Variants in CSMD3 observed in about 807,000 individuals in gnomAD.
The protein encoded by CSMD3 is CUB and sushi domain-containing protein 3.
CSMD3 carries 177 observed loss-of-function variants against 435.2 expected under a neutral mutation model. That is an observed-to-expected ratio of 0.41 (90% CI 0.36 to 0.46). The LOEUF (loss-of-function observed/expected upper bound fraction) is 0.46, where lower values mean the gene tolerates loss of function less well. Ranked by LOEUF, CSMD3 falls within the 20% of genes least tolerant of loss-of-function variation. CSMD3 has a pLI of 0.34. For missense variants in CSMD3, 4,265 were observed against 4,504.6 expected (o/e 0.95, Z 1.52); for synonymous variants, 1,656 against 1,520.5 (o/e 1.09, Z -2.07).
At chr8:112,396,325 T>C (rs1830859267) in intron 35 of CSMD3, among the ~76,000 whole-genome samples, 1 of 152,168 alleles carries the variant, frequency 6.6e-6, no homozygotes, top group African/African-American at 2.4e-5. Context: ...AATCATCATG[T>C]ATAAAACCCT....
At chr8:112,544,654 A>G (rs1826991159) in intron 27 of CSMD3, among the ~76,000 whole-genome samples, 1 of 152,178 alleles carries the variant, frequency 6.6e-6, no homozygotes, top group Non-Finnish European at 1.5e-5. Context: ...ACAAATAGTG[A>G]TTAAAAAACT....
At chr8:112,876,581 C>G (rs889244439) in intron 10 of CSMD3, among the ~76,000 whole-genome samples, 1 of 152,094 alleles carries the variant, frequency 6.6e-6, no homozygotes, top group African/African-American at 2.4e-5. Context: ...ATGACAAAAA[C>G]CACATGATTA....
intron 3 of CSMD3, among the ~76,000 whole-genome samples, chr8:113,269,504 C>T (rs940843128): frequency 1.3e-5 from 2 of 152,100 alleles, no homozygotes; most frequent in Admixed American, 6.5e-5. Context: ...ATCACCAAGT[C>T]GATCCTAAGC....
intron 26 of CSMD3, 151 bp from the exon 27 acceptor site, chr8:112,551,024 T>C (rs1310197605): frequency 1.1e-5 from 7 of 632,878 alleles, no homozygotes; most frequent in Non-Finnish European, 1.9e-5. Flanking sequence ...ATTCTTAATA[T>C]ATTTTTCTTG....
At chr8:112,606,212 T>C (rs138870433) in intron 22 of CSMD3, among the ~76,000 whole-genome samples, 1 of 152,284 alleles carries the variant, frequency 6.6e-6, no homozygotes, top group Non-Finnish European at 1.5e-5. Context: ...CACAGGTTGA[T>C]GCCAAGAGAA....
intron 5 of CSMD3, among the ~76,000 whole-genome samples, chr8:113,093,283 A>T (rs1216826282): frequency 6.6e-6 from 1 of 152,102 alleles, no homozygotes; most frequent in African/African-American, 2.4e-5. Flanking sequence ...GAAACAAAAG[A>T]TGAGAAAAAA....
At chr8:112,964,665 T>A (rs944741016) in intron 7 of CSMD3, among the ~76,000 whole-genome samples, 1 of 151,912 alleles carries the variant, frequency 6.6e-6, no homozygotes. Context: ...TTTTTCCCCC[T>A]TAATATAAGC....
chr8:112,754,927 T>A (rs1458960801), intron 13 of CSMD3, among the ~76,000 whole-genome samples: 1 of 152,176 alleles, frequency 6.6e-6, no homozygotes, highest in African/African-American at 2.4e-5. Flanking sequence ...TTCTTAGCAA[T>A]TACTGTTAGT....
intron 3 of CSMD3, among the ~76,000 whole-genome samples, chr8:113,252,492 T>C (rs2093343542): frequency 6.6e-6 from 1 of 152,122 alleles, no homozygotes; most frequent in Admixed American, 6.6e-5. Context: ...TCTTCTCCTT[T>C]AGAAAACTTT....
chr8:112,870,361 C>T lies in CSMD3; in HGVS notation c.1634-11095G>A, dbSNP rs372151492. On this transcript the variant is annotated intron_variant, in intron 10 of 70. Transcript: ENST00000297405. Reference sequence around the variant, plus strand: ...TCGGCTCACTGCAAGCTCCACCTCCCGGGTTCACGCCATTTTCCTGCCTCA... The same window carrying T: ...TCGGCTCACTGCAAGCTCCACCTCCTGGGTTCACGCCATTTTCCTGCCTCA... Among the ~76,000 whole-genome samples, 61 of 151,712 alleles carry T rather than the reference C, an allele frequency of 4.0e-4. 1 individual carries two copies. In the East Asian group the frequency reaches 9.8e-3, roughly 24 times the overall value.
At chr8:113,115,043 A>G (rs2090780169) in intron 4 of CSMD3, among the ~76,000 whole-genome samples, 1 of 152,128 alleles carries the variant, frequency 6.6e-6, no homozygotes, top group East Asian at 1.9e-4. Context: ...AGAATCAGAA[A>G]CTCTGGAGAT....
intron 22 of CSMD3, among the ~76,000 whole-genome samples, chr8:112,610,511 G>A (rs1419286852): frequency 6.6e-6 from 1 of 151,946 alleles, no homozygotes; most frequent in Non-Finnish European, 1.5e-5. Context: ...CCAGCTGTTT[G>A]AAATACACAT....
Position 112,318,965 on chromosome 8 carries a change from A to C in CSMD3, c.7247-15T>G. The C allele has an allele frequency of 6.9e-7, 1 of 1,458,128 alleles. No homozygotes were observed. Among genetic ancestry groups the C allele is most frequent in the African/African-American group, 1.4e-5 (1 of 71,936 alleles). The allele number at this position is 1,458,128 out of a possible 1,614,324, so 90.3% of individuals were successfully genotyped here. Reference sequence around the variant, plus strand: ...AATAATATCACCTATTAAACAAAAGAGGGGAGGTTTCATATAAGCAACAAG... The same window carrying C: ...AATAATATCACCTATTAAACAAAAGCGGGGAGGTTTCATATAAGCAACAAG... On this transcript the variant is annotated splice_polypyrimidine_tract_variant and intron_variant, in intron 46 of 70. Coordinates refer to ENST00000297405, the MANE Select transcript of CSMD3 (RefSeq NM_198123.2).
intron 11 of CSMD3, among the ~76,000 whole-genome samples, chr8:112,844,558 T>G (rs1174029542): frequency 6.6e-6 from 1 of 151,988 alleles, no homozygotes; most frequent in African/African-American, 2.4e-5. Flanking sequence ...TTTTCCTTAT[T>G]TATCACTTCC....
Position 112,682,650 on chromosome 8 carries a change from T to C in CSMD3, c.2483-14A>G, listed in dbSNP as rs796965786. 2 of 1,568,306 alleles carry C rather than the reference T, an allele frequency of 1.3e-6. No individual in the cohort carries two copies. Among genetic ancestry groups the C allele is most frequent in the Non-Finnish European group, 1.8e-6 (2 of 1,138,308 alleles). On this transcript the variant is annotated splice_polypyrimidine_tract_variant and intron_variant, in intron 15 of 70. Transcript: ENST00000297405. Reference sequence around the variant, plus strand: ...TATGTCCAAATGCTTTAGAATAATATGCAAAGAAAAATACACAAACAAACA... The same window carrying C: ...TATGTCCAAATGCTTTAGAATAATACGCAAAGAAAAATACACAAACAAACA...
At chr8:112,667,452 C>A (rs542355142) in intron 16 of CSMD3, among the ~76,000 whole-genome samples, 1 of 152,180 alleles carries the variant, frequency 6.6e-6, no homozygotes, top group Non-Finnish European at 1.5e-5. Flanking sequence ...AAAATAACAT[C>A]ATCTCATCCT....
At chr8:112,685,856 T>C (rs905908725) in intron 14 of CSMD3, 124 bp from the exon 15 acceptor site, 29 of 707,184 alleles carry the variant, frequency 4.1e-5, no homozygotes, top group South Asian at 7.7e-5. Flanking sequence ...ATTATGTAAA[T>C]TATAAAACAG....
At chr8:112,667,917 C>T (rs1308336485) in intron 16 of CSMD3, among the ~76,000 whole-genome samples, 1 of 152,042 alleles carries the variant, frequency 6.6e-6, no homozygotes, top group African/African-American at 2.4e-5. Flanking sequence ...TACAGAATTT[C>T]TGAAAACAAT....
chr8:113,382,522 G>T (rs1188691131), intron 1 of CSMD3, among the ~76,000 whole-genome samples: 1 of 151,946 alleles, frequency 6.6e-6, no homozygotes, highest in Non-Finnish European at 1.5e-5. Flanking sequence ...CATAATTAAG[G>T]TACTTTAACT....
Sources: gnomAD v4.1 joint callset for allele counts (sites outside exome capture counted in the v4.1 genomes callset) on GRCh38, gnomAD v4.1.1 for gene constraint, MANE v1.5 for transcripts, NCBI Gene and HGNC (gene_info 2026-07-23, HGNC 2026-07-21) for gene names.